ZNF697: variants seen among roughly 807,000 people sequenced by gnomAD.
The protein encoded by ZNF697 is zinc finger protein 697.
A neutral mutation model predicts 32.4 loss-of-function variants in ZNF697; 23 were observed. The observed-to-expected ratio is 0.71, with a 90% confidence interval of 0.51 to 1.01. The LOEUF (loss-of-function observed/expected upper bound fraction) is 1.01. Ranked by LOEUF, ZNF697 falls within the 50% of genes least tolerant of loss-of-function variation. The pLI, the probability that ZNF697 is intolerant of heterozygous loss-of-function variation, is 0.00. For missense variants in ZNF697, 930 were observed against 794.0 expected (o/e 1.17, Z -2.06); for synonymous variants, 418 against 337.2 (o/e 1.24, Z -2.62).
At chr1:119,646,769 G>A (rs1447616673) in intron 1 of ZNF697, among the ~76,000 whole-genome samples, 1 of 152,204 alleles carries the variant, frequency 6.6e-6, no homozygotes, top group Non-Finnish European at 1.5e-5. Flanking sequence ...GGAGAAAGGA[G>A]AGATAGTGAG....
intron 1 of ZNF697, among the ~76,000 whole-genome samples, chr1:119,646,322 AACACACACACACACAC>A (rs61339576): frequency 4.4e-5 from 6 of 136,830 alleles, no homozygotes; most frequent in Non-Finnish European, 9.4e-5. Context: ...CCCCACTTCC[AACACACACACACACAC>A]ACACACACAC....
At position 119,623,565 on chromosome 1, in the gene ZNF697, G is replaced by A; in HGVS notation, c.778C>T (p.Pro260Ser). The A allele has an allele frequency of 2.7e-6, 4 of 1,497,896 alleles. No individual in the cohort carries two copies. The highest frequency in any genetic ancestry group is 2.7e-6 in the Non-Finnish European group (3 of 1,128,180). 92.8% of individuals were successfully genotyped at this position (1,497,896 alleles called of 1,614,324 possible). ...PPLARPPREK[P>S]FRCGECGKGF... Reference sequence around the variant, plus strand: ...TTGCCGCACTCCCCGCAGCGGAAGGGCTTTTCGCGCGGGGGCCGGGCCAGC... The same window carrying A: ...TTGCCGCACTCCCCGCAGCGGAAGGACTTTTCGCGCGGGGGCCGGGCCAGC... The change falls in exon 3 of 3, where the codon CCC becomes TCC. Residue 260 changes from proline (P) to serine (S), a missense_variant. Transcript: ENST00000421812.
chr1:119,632,911 T>C (rs1480453996), intron 1 of ZNF697, among the ~76,000 whole-genome samples: 1 of 152,222 alleles, frequency 6.6e-6, no homozygotes, highest in Non-Finnish European at 1.5e-5. Flanking sequence ...ATTTTCCTTA[T>C]ATACAGGAAA....
In ZNF697 at chr1:119,624,035, A is replaced by G; in HGVS notation, c.308T>C (p.Phe103Ser). 6.2e-7 allele frequency: 1 copy of G among 1,612,718 alleles called. No homozygotes were observed. Among genetic ancestry groups the G allele is most frequent in the Non-Finnish European group, 8.5e-7 (1 of 1,179,392 alleles). Residue 103 changes from phenylalanine (F) to serine (S), a missense_variant, in exon 3 of 3, where the codon TTC becomes TCC. Phe to Ser is a radical substitution (Grantham distance 155). Transcript: ENST00000421812. ...DQSGVADMAM[F>S]PGLSESDSIS... ...GCTGTCAGACTCAGACAGTCCTGGG[A>G]ACATCGCCATGTCAGCTACACCGGA...
chr1:119,623,560 G>T lies in ZNF697; in HGVS notation c.783C>A (p.Phe261Leu). 6.6e-7 allele frequency: 1 copy of T among 1,513,866 alleles called. No homozygotes were observed. The highest frequency in any genetic ancestry group is 8.8e-7 in the Non-Finnish European group (1 of 1,134,476). 93.8% of individuals were successfully genotyped at this position (1,513,866 alleles called of 1,614,324 possible). A position where few individuals can be genotyped will look rare whatever the true frequency, so the allele number is the denominator to read the frequency against. The change falls in exon 3 of 3, where the codon TTC becomes TTA. Residue 261 changes from phenylalanine (F) to leucine (L), a missense_variant. By Grantham distance (22) the Phe-to-Leu change is conservative. Transcript: ENST00000421812. Reference protein sequence around the residue: ...PLARPPREKPFRCGECGKGFS... With the variant: ...PLARPPREKPLRCGECGKGFS... ...AGCCCTTGCCGCACTCCCCGCAGCG[G>T]AAGGGCTTTTCGCGCGGGGGCCGGG... is the stretch of plus-strand genomic sequence containing the variant.
chr1:119,641,861 GCCA>G (rs1317434968), intron 1 of ZNF697, among the ~76,000 whole-genome samples: 1 of 152,156 alleles, frequency 6.6e-6, no homozygotes, highest in Non-Finnish European at 1.5e-5. Flanking sequence ...GGCCTCCCCA[GCCA>G]TGCAGAACTG....
At chr1:119,640,954 A>G (rs1353846602) in intron 1 of ZNF697, among the ~76,000 whole-genome samples, 1 of 152,114 alleles carries the variant, frequency 6.6e-6, no homozygotes, top group Admixed American at 6.5e-5. Flanking sequence ...GGATTTCTTG[A>G]TTTCTCTTCT....
chr1:119,648,228 G>GGCTGGCTGGCTGGCTA lies in ZNF697; in HGVS notation c.-576_-575insTAGCCAGCCAGCCAGC, dbSNP rs1649277456. On this transcript the variant is annotated 5_prime_UTR_variant, in exon 1 of 3. Coordinates refer to ENST00000421812, the MANE Select transcript of ZNF697 (RefSeq NM_001080470.2). ...TGGCTGGCTGGCTGGCTGGCTGGCT[G>GGCTGGCTGGCTGGCTA]GCTGGCTCGCTGGCTGGCTGCCCGG... Among the ~76,000 whole-genome samples, 1 of 151,120 alleles carries GGCTGGCTGGCTGGCTA rather than the reference G, an allele frequency of 6.6e-6. No homozygotes were observed. Among genetic ancestry groups the GGCTGGCTGGCTGGCTA allele is most frequent in the South Asian group, 2.1e-4 (1 of 4,812 alleles).
At chr1:119,643,105 T>G (rs2101096803) in intron 1 of ZNF697, among the ~76,000 whole-genome samples, 1 of 152,360 alleles carries the variant, frequency 6.6e-6, no homozygotes, top group East Asian at 1.9e-4. Context: ...GTTTTATAAT[T>G]ATGGTAAGAT....
rs1330139980 is a variant in ZNF697, at chr1:119,623,420, C to T, written c.923G>A (p.Arg308Gln). The T allele has an allele frequency of 5.9e-6, 9 of 1,525,172 alleles. No individual in the cohort carries two copies. Among genetic ancestry groups the T allele is most frequent in the Middle Eastern group, 3.4e-4 (2 of 5,858 alleles). The allele number at this position is 1,525,172 out of a possible 1,614,324, so 94.5% of individuals were successfully genotyped here. ...FSWRADLLKHRRLHTGEKPYP... is the reference protein window; with the variant it reads ...FSWRADLLKHQRLHTGEKPYP... ...GGGCTTCTCGCCCGTGTGCAGGCGCCGGTGCTTGAGCAGGTCGGCGCGCCA... is the reference window on the plus strand; with the variant it reads ...GGGCTTCTCGCCCGTGTGCAGGCGCTGGTGCTTGAGCAGGTCGGCGCGCCA... Residue 308 changes from arginine to glutamine, a missense_variant, in exon 3 of 3, where the codon CGG becomes CAG. Physicochemically the swap from Arg to Gln is conservative, Grantham distance 43. Transcript: ENST00000421812.
intron 1 of ZNF697, 21 bp from the exon 2 acceptor site, chr1:119,626,158 G>C: frequency 6.2e-7 from 1 of 1,608,082 alleles, no homozygotes; most frequent in Non-Finnish European, 8.5e-7. Context: ...AAAACACAAA[G>C]AAAGGTCACG....
At position 119,623,086 on chromosome 1, in the gene ZNF697, G is replaced by A. The variant is rs1489513510; in HGVS notation, c.1257C>T (p.Ser419=). 6.3e-7 allele frequency: 1 copy of A among 1,587,060 alleles called. No homozygotes were observed. Among genetic ancestry groups the A allele is most frequent in the East Asian group, 2.3e-5 (1 of 43,156 alleles). ...YMCSECGETF[S]VSSHLFTHKR... ...TGTGCGTGAAGAGGTGCGAGCTGACGCTGAAGGTCTCGCCGCACTCGGAGC... is the reference window on the plus strand; with the variant it reads ...TGTGCGTGAAGAGGTGCGAGCTGACACTGAAGGTCTCGCCGCACTCGGAGC... Residue 419 remains serine (S), a synonymous_variant, in exon 3 of 3, where the codon AGC becomes AGT. Transcript: ENST00000421812.
rs1307159439 is a variant in ZNF697 at position 119,623,217 on chromosome 1, T to C, written c.1126A>G (p.Thr376Ala). 1 of 1,572,374 alleles carries C rather than the reference T, an allele frequency of 6.4e-7. No individual in the cohort carries two copies. The highest frequency in any genetic ancestry group is 8.6e-7 in the Non-Finnish European group (1 of 1,159,884). ...SHLANHQRIH[T>A]GEKPHGCGEC... ...CCACAGCCGTGCGGCTTCTCGCCCG[T>C]GTGGATGCGCTGGTGGTTGGCCAGG... Residue 376 changes from threonine (T) to alanine (A), a missense_variant, in exon 3 of 3, where the codon ACG (threonine) becomes GCG (alanine). Physicochemically the swap from Thr to Ala is moderately conservative, Grantham distance 58. Transcript: ENST00000421812.
chr1:119,646,497 TC>T (rs746987435), intron 1 of ZNF697, among the ~76,000 whole-genome samples: 80 of 152,242 alleles, frequency 5.3e-4, no homozygotes, highest in Non-Finnish European at 9.7e-4. Context: ...TTCAAATGCC[TC>T]ATCTCTCCCA....
At chr1:119,625,406 A>G (rs1322785157) in intron 2 of ZNF697, among the ~76,000 whole-genome samples, 2 of 152,240 alleles carry the variant, frequency 1.3e-5, no homozygotes, top group Non-Finnish European at 2.9e-5. Flanking sequence ...GGAATTAGCC[A>G]CATGAACCTA....
Position 119,621,749 on chromosome 1 carries a change from A to G in ZNF697, c.*956T>C, listed in dbSNP as rs1648320690. The G allele has an allele frequency of 6.6e-6, 1 of 152,230 alleles. No individual in the cohort carries two copies. Among genetic ancestry groups the G allele is most frequent in the Non-Finnish European group, 1.5e-5 (1 of 68,032 alleles). 9.4% of individuals were successfully genotyped at this position (152,230 alleles called of 1,614,324 possible). ...GGCCAGCAAAACTCTGAGCTAGTTG[A>G]CTTTTTAGCAGGTCACTGGGCAACT... On this transcript the variant is annotated 3_prime_UTR_variant, in exon 3 of 3. Transcript: ENST00000421812.
At chr1:119,627,150 G>A (rs1648614535) in intron 1 of ZNF697, among the ~76,000 whole-genome samples, 1 of 152,228 alleles carries the variant, frequency 6.6e-6, no homozygotes, top group African/African-American at 2.4e-5. Context: ...TCTAGGTCGA[G>A]GATCTTGGAC....
Position 119,623,063 on chromosome 1 carries a change from T to G in ZNF697, c.1280A>C (p.His427Pro). 1 of 1,586,794 alleles carries G rather than the reference T, an allele frequency of 6.3e-7. No individual in the cohort carries two copies. The highest frequency in any genetic ancestry group is 8.6e-7 in the Non-Finnish European group (1 of 1,166,840). Residue 427 changes from histidine (H) to proline (P), a missense_variant, in exon 3 of 3, where the codon CAC becomes CCC. By Grantham distance (77) the His-to-Pro change is moderately conservative. Transcript: ENST00000421812. ...CCGCTCACCCGAGTGCGTGCGCTTG[T>G]GCGTGAAGAGGTGCGAGCTGACGCT... ...TFSVSSHLFT[H>P]KRTHSGERPY...
At position 119,622,966 on chromosome 1, in the gene ZNF697, G is replaced by T. The variant is rs367842002; in HGVS notation, c.1377C>A (p.His459Gln). 6.2e-6 allele frequency: 10 copies of T among 1,602,340 alleles called. No individual in the cohort carries two copies. The highest frequency in any genetic ancestry group is 6.8e-6 in the Non-Finnish European group (8 of 1,173,334). Residue 459 changes from histidine (H) to glutamine (Q), a missense_variant, in exon 3 of 3, where the codon CAC becomes CAA. His to Gln is a conservative substitution (Grantham distance 24, BLOSUM62 0). Transcript: ENST00000421812. ...NSHLVNHLRV[H>Q]TGEKPFRCGQ... Reference sequence around the variant, plus strand: ...CACAGCGGAAGGGCTTCTCGCCGGTGTGCACGCGCAGGTGGTTCACCAGGT... The same window carrying T: ...CACAGCGGAAGGGCTTCTCGCCGGTTTGCACGCGCAGGTGGTTCACCAGGT...
Sources: allele counts gnomAD v4.1 joint callset (sites outside exome capture counted in the v4.1 genomes callset), GRCh38; gene constraint gnomAD v4.1.1; transcripts MANE v1.5; gene names NCBI Gene and HGNC (gene_info 2026-07-23, HGNC 2026-07-21).